Variants in CTIF observed in about 807,000 individuals in gnomAD.
The protein encoded by CTIF is CBP80/20-dependent translation initiation factor.
A neutral mutation model predicts 66.0 loss-of-function variants in CTIF; 21 were observed. That is an observed-to-expected ratio of 0.32 (90% CI 0.23 to 0.46). The LOEUF (loss-of-function observed/expected upper bound fraction) is 0.46. Among genes scored for constraint, CTIF ranks in the 20% least tolerant of loss-of-function variants. The pLI is 1.00. For synonymous variants in CTIF, 345 were observed against 326.4 expected (o/e 1.06, Z -0.62); for missense variants, 739 against 812.7 (o/e 0.91, Z 1.10).
At chr18:48,621,624 G>A (rs1052873680) in intron 2 of CTIF, 21 of 341,358 alleles carry the variant, frequency 6.2e-5, no homozygotes, top group African/African-American at 3.7e-4. Flanking sequence ...ACTGCCTTGC[G>A]GGCCACTGCC....
intron 10 of CTIF, among the ~76,000 whole-genome samples, chr18:48,823,917 C>T (rs2068531563): frequency 6.6e-6 from 1 of 151,384 alleles, no homozygotes; most frequent in Admixed American, 6.6e-5. Flanking sequence ...GAAAGGAAGA[C>T]ATAAAATTGT....
intron 1 of CTIF, among the ~76,000 whole-genome samples, chr18:48,580,857 C>G (rs1422498266): frequency 6.6e-6 from 1 of 152,240 alleles, no homozygotes; most frequent in Non-Finnish European, 1.5e-5. Flanking sequence ...GAGGACAAGT[C>G]CCCTGCCTGG....
intron 10 of CTIF, among the ~76,000 whole-genome samples, chr18:48,847,026 C>G (rs1417898882): frequency 6.6e-6 from 1 of 152,074 alleles, no homozygotes; most frequent in African/African-American, 2.4e-5. Flanking sequence ...ATTATGAGCT[C>G]CAGCCGGACA....
chr18:48,769,117 A>G (rs1909860207), intron 9 of CTIF, among the ~76,000 whole-genome samples: 1 of 152,060 alleles, frequency 6.6e-6, no homozygotes. Context: ...TCCTCCTTGC[A>G]TCCTCTCCCT....
chr18:48,688,608 C>G (rs1405190992), intron 6 of CTIF, among the ~76,000 whole-genome samples: 1 of 152,246 alleles, frequency 6.6e-6, no homozygotes, highest in East Asian at 1.9e-4. Context: ...GAAGGCAAGG[C>G]TCCCAGTGGG....
At chr18:48,615,166 G>T (rs1397067500) in intron 1 of CTIF, among the ~76,000 whole-genome samples, 1 of 152,200 alleles carries the variant, frequency 6.6e-6, no homozygotes, top group South Asian at 2.1e-4. Context: ...AAAGGGCTGG[G>T]ATTACAGGCA....
chr18:48,714,134 A>G (rs1316802169), intron 7 of CTIF, among the ~76,000 whole-genome samples: 6 of 152,198 alleles, frequency 3.9e-5, no homozygotes, highest in Non-Finnish European at 5.9e-5. Context: ...GAATATTATC[A>G]GGTGACCCCT....
intron 1 of CTIF, among the ~76,000 whole-genome samples, chr18:48,578,086 G>A (rs902327607): frequency 3.3e-5 from 5 of 152,038 alleles, no homozygotes; most frequent in African/African-American, 1.2e-4. Flanking sequence ...GTTCTCTTTT[G>A]TAACTGGCTT....
chr18:48,704,761 C>G (rs528355154), intron 6 of CTIF, among the ~76,000 whole-genome samples: 16 of 152,206 alleles, frequency 1.1e-4, no homozygotes, highest in Non-Finnish European at 2.2e-4. Flanking sequence ...TTAATTACAC[C>G]TGCAGTAGCC....
At chr18:48,811,787 C>T (rs1026242945) in intron 9 of CTIF, among the ~76,000 whole-genome samples, 11 of 152,154 alleles carry the variant, frequency 7.2e-5, no homozygotes, top group African/African-American at 2.7e-4. Context: ...GTATATATCA[C>T]GTATTGTTGA....
At chr18:48,727,094 A>ACG (rs2092393067) in intron 7 of CTIF, among the ~76,000 whole-genome samples, 1 of 151,932 alleles carries the variant, frequency 6.6e-6, no homozygotes, top group Non-Finnish European at 1.5e-5. Flanking sequence ...ACACACACAC[A>ACG]CACACACACA....
intron 1 of CTIF, among the ~76,000 whole-genome samples, chr18:48,581,074 T>G (rs918842541): frequency 1.3e-5 from 2 of 152,266 alleles, no homozygotes; most frequent in Non-Finnish European, 2.9e-5. Flanking sequence ...TACACATTTT[T>G]CCTTCAGCGT....
rs1191793091 is a variant in CTIF, at chr18:48,620,732, C to T, written c.180+987C>T. 2.5e-4 allele frequency among the ~76,000 whole-genome samples: 38 copies of T among 152,222 alleles called. 2 individuals are homozygous for T. The highest frequency in any genetic ancestry group is 2.5e-3 in the Admixed American group (38 of 15,282). ...GCCTCTCGTGCGTGTTATCCCATCT[C>T]CAAGCCTGGGACTCCTGGGACAATC... On this transcript the variant is annotated intron_variant, in intron 2 of 11. Transcript: ENST00000256413.
rs1198729442 is a variant in CTIF, at chr18:48,619,577, C to T, written c.12C>T (p.Ser4=). 20 of 1,572,664 alleles carry T rather than the reference C, an allele frequency of 1.3e-5. No individual in the cohort carries two copies. Among genetic ancestry groups the T allele is most frequent in the Non-Finnish European group, 1.7e-5 (20 of 1,159,548 alleles). Residue 4 remains serine, a synonymous_variant, in exon 2 of 12, where the codon TCC becomes TCT. Transcript: ENST00000256413. ...CCTGAGCTGGAGGGATGGAAAACTC[C>T]TCTGCAGCATCAGCCTCCTCGGAGG... MEN[S]SAASASSEAG... is the part of the protein sequence containing the mutation.
At chr18:48,798,944 A>G (rs981924437) in intron 9 of CTIF, among the ~76,000 whole-genome samples, 1 of 152,184 alleles carries the variant, frequency 6.6e-6, no homozygotes, top group East Asian at 1.9e-4. Context: ...CGAAAATGTC[A>G]GTAGTGCCAA....
intron 10 of CTIF, among the ~76,000 whole-genome samples, chr18:48,825,622 C>A (rs547758008): frequency 6.6e-6 from 1 of 152,116 alleles, no homozygotes; most frequent in Non-Finnish European, 1.5e-5. Flanking sequence ...CCTTTCCAGG[C>A]GGACCATTCC....
At chr18:48,570,485 G>A (rs540943433) in intron 1 of CTIF, among the ~76,000 whole-genome samples, 1 of 152,308 alleles carries the variant, frequency 6.6e-6, no homozygotes, top group South Asian at 2.1e-4. Flanking sequence ...CTTAGTCCCT[G>A]CCCTGGCGTG....
intron 7 of CTIF, among the ~76,000 whole-genome samples, chr18:48,744,105 G>A (rs574526280): frequency 2.7e-4 from 41 of 152,264 alleles, no homozygotes; most frequent in African/African-American, 9.4e-4. Context: ...TCCCCAAGAT[G>A]TGGGAGGGTT....
chr18:48,664,538 A>G lies in CTIF; in HGVS notation c.418A>G (p.Ile140Val). 6.2e-7 allele frequency: 1 copy of G among 1,611,650 alleles called. No homozygotes were observed. The highest frequency in any genetic ancestry group is 8.5e-7 in the Non-Finnish European group (1 of 1,179,798). Residue 140 changes from isoleucine to valine, a missense_variant, in exon 5 of 12, where the codon ATC (isoleucine) becomes GTC (valine). This residue lies in a region of CTIF where 529 missense variants were observed against 520.3 expected (regional missense o/e 1.02). Transcript: ENST00000256413. ...CACGCCCAAGCAGCCCCTGCCACAC[A>G]TCGACCGCGAAGGGTAAGGGGTGCT... Reference protein sequence around the residue: ...RHTPKQPLPHIDREGCGKGKL... With the variant: ...RHTPKQPLPHVDREGCGKGKL...
Sources: allele counts gnomAD v4.1 joint callset (sites outside exome capture counted in the v4.1 genomes callset), GRCh38; gene constraint gnomAD v4.1.1; regional missense constraint gnomAD v4.1.1; transcripts MANE v1.5; gene names NCBI Gene and HGNC (gene_info 2026-07-23, HGNC 2026-07-21).